The following LTBP1 variants were observed in gnomAD, a reference collection of about 807,000 sequenced individuals.
LTBP1 encodes the protein latent transforming growth factor beta binding protein 1, also known as latent-transforming growth factor beta-binding protein 1.
In LTBP1, 129 loss-of-function variants were observed where a neutral mutation model predicts 207.6. The observed-to-expected ratio is 0.62, with a 90% confidence interval of 0.54 to 0.72. The LOEUF (loss-of-function observed/expected upper bound fraction) is 0.72. Ranked by LOEUF, LTBP1 falls within the 30% of genes least tolerant of loss-of-function variation. LTBP1 has a pLI of 0.00. For synonymous variants in LTBP1, 963 were observed against 833.7 expected (o/e 1.16, Z -2.67); for missense variants, 2,281 against 2,217.2 (o/e 1.03, Z -0.58).
In LTBP1 at chr2:33,367,428, CTG is replaced by C. The variant is rs1308216654; in HGVS notation, c.4711+1929_4711+1930del. ...AGTATTCCATAGTGGTAAATAAAGT[CTG>C]TGTTTTTTGTGTACCCTTAACAATA... On this transcript the variant is annotated intron_variant, in intron 31 of 33. Coordinates refer to ENST00000404816, the MANE Select transcript of LTBP1 (RefSeq NM_206943.4). Among the ~76,000 whole-genome samples the C allele has an allele frequency of 2.5e-4, 38 of 152,098 alleles. No individual in the cohort carries two copies. In the East Asian group the frequency reaches 6.0e-3, roughly 24 times the overall value.
At chr2:32,953,589 C>T (rs762340016) in intron 2 of LTBP1, among the ~76,000 whole-genome samples, 1 of 152,162 alleles carries the variant, frequency 6.6e-6, no homozygotes, top group Non-Finnish European at 1.5e-5. Context: ...ATTTAGGAAC[C>T]ATAACACTGT....
At chr2:33,160,753 G>A (rs1055040269) in intron 5 of LTBP1, among the ~76,000 whole-genome samples, 1 of 152,188 alleles carries the variant, frequency 6.6e-6, no homozygotes, top group Non-Finnish European at 1.5e-5. Context: ...TTAACTCAGG[G>A]ATAGAAGGTA....
intron 2 of LTBP1, among the ~76,000 whole-genome samples, chr2:32,987,920 A>G (rs186275037): frequency 3.0e-4 from 45 of 152,326 alleles, no homozygotes; most frequent in Non-Finnish European, 1.0e-4. Flanking sequence ...TCCTGAGATG[A>G]GGAGGTTTTC....
At chr2:33,002,586 A>G (rs1686190527) in intron 2 of LTBP1, among the ~76,000 whole-genome samples, 1 of 152,220 alleles carries the variant, frequency 6.6e-6, no homozygotes, top group African/African-American at 2.4e-5. Flanking sequence ...AGTAGCAGAC[A>G]ATCAAAAACA....
At chr2:33,100,396 G>C (rs1406389760) in intron 3 of LTBP1, among the ~76,000 whole-genome samples, 1 of 151,678 alleles carries the variant, frequency 6.6e-6, no homozygotes, top group Non-Finnish European at 1.5e-5. Flanking sequence ...TTGACACTGT[G>C]TCATCCAGAA....
At chr2:33,366,667 C>T (rs929212582) in intron 31 of LTBP1, among the ~76,000 whole-genome samples, 1 of 152,186 alleles carries the variant, frequency 6.6e-6, no homozygotes, top group Admixed American at 6.5e-5. Context: ...ATAACTTCAC[C>T]CTGTACAGCT....
chr2:33,109,041 C>T (rs1042013959), intron 3 of LTBP1, among the ~76,000 whole-genome samples: 1 of 152,224 alleles, frequency 6.6e-6, no homozygotes, highest in African/African-American at 2.4e-5. Flanking sequence ...CCAGGCTTTC[C>T]TGAGACCACA....
rs1305346893 is a variant in LTBP1 at position 32,995,706 on chromosome 2, G to A, written c.566-25203G>A. Among the ~76,000 whole-genome samples the A allele has an allele frequency of 3.3e-5, 5 of 152,184 alleles. No homozygotes were observed. In the East Asian group the frequency reaches 5.8e-4, roughly 18 times the overall value. ...CAGGAGGCTGAGGTGGGAGAATGGC[G>A]TGAATCCAGGAGGCCAAGCCTGCAG... On this transcript the variant is annotated intron_variant, in intron 2 of 33. Transcript: ENST00000404816.
At chr2:33,111,145 G>A (rs769012665) in intron 4 of LTBP1, among the ~76,000 whole-genome samples, 5 of 152,148 alleles carry the variant, frequency 3.3e-5, no homozygotes, top group Admixed American at 6.5e-5. Flanking sequence ...ATAGCTCTCT[G>A]AGGTTCTCCT....
At chr2:33,252,632 GT>G (rs1264313603) in intron 10 of LTBP1, 44 bp from the exon 11 acceptor site, 2 of 1,545,630 alleles carry the variant, frequency 1.3e-6, no homozygotes, top group Non-Finnish European at 1.8e-6. Context: ...AGCCAATGTA[GT>G]TTTGGTTTCT....
At chr2:33,294,243 C>A (rs187964185) in intron 20 of LTBP1, among the ~76,000 whole-genome samples, 3 of 152,028 alleles carry the variant, frequency 2.0e-5, no homozygotes, top group African/African-American at 7.3e-5. Flanking sequence ...CTCCCCCAGG[C>A]TGGAGTGCTG....
rs117277436 is a variant in LTBP1 at position 33,377,995 on chromosome 2, G to T, written c.4712-11189G>T. Among the ~76,000 whole-genome samples, 2,380 of 152,164 alleles carry T rather than the reference G, an allele frequency of 0.016. 170 individuals carry two copies. The East Asian group carries it at 0.2, about 13-fold the overall frequency. ...GGATTACAATTCAAGATGAGATTTGGGTGGGGACACAAAGTCAAACCATAT... is the reference window on the plus strand; with the variant it reads ...GGATTACAATTCAAGATGAGATTTGTGTGGGGACACAAAGTCAAACCATAT... On this transcript the variant is annotated intron_variant, in intron 31 of 33. Coordinates refer to ENST00000404816, the MANE Select transcript of LTBP1 (RefSeq NM_206943.4).
intron 3 of LTBP1, among the ~76,000 whole-genome samples, chr2:33,099,000 A>G (rs1558634676): frequency 6.6e-6 from 1 of 152,134 alleles, no homozygotes; most frequent in Non-Finnish European, 1.5e-5. Context: ...ACTTGTTCAG[A>G]TTTTGCAGCT....
chr2:33,315,747 G>A (rs185836515), intron 24 of LTBP1, among the ~76,000 whole-genome samples: 1 of 152,224 alleles, frequency 6.6e-6, no homozygotes, highest in Non-Finnish European at 1.5e-5. Flanking sequence ...ACCAAGCCTG[G>A]CCAACATGGT....
intron 3 of LTBP1, among the ~76,000 whole-genome samples, chr2:33,026,535 C>G (rs970428007): frequency 7.2e-5 from 11 of 152,156 alleles, no homozygotes; most frequent in Admixed American, 4.6e-4. Context: ...TTGTAAAGCC[C>G]TGAACATTTT....
chr2:33,095,441 A>T (rs1201323939), intron 3 of LTBP1, among the ~76,000 whole-genome samples: 1 of 152,234 alleles, frequency 6.6e-6, no homozygotes, highest in Non-Finnish European at 1.5e-5. Flanking sequence ...TAGAGGAAAG[A>T]TAATTTGGAG....
intron 31 of LTBP1, among the ~76,000 whole-genome samples, chr2:33,376,837 G>A (rs888897416): frequency 2.6e-5 from 4 of 152,104 alleles, no homozygotes; most frequent in Non-Finnish European, 5.9e-5. Flanking sequence ...CTGGGGAAGA[G>A]GTACTGGATT....
At chr2:33,045,193 C>G in intron 3 of LTBP1, among the ~76,000 whole-genome samples, 1 of 152,132 alleles carries the variant, frequency 6.6e-6, no homozygotes, top group East Asian at 1.9e-4. Flanking sequence ...TTGCCCATGC[C>G]TATGTCCTGA....
intron 2 of LTBP1, among the ~76,000 whole-genome samples, chr2:32,961,065 T>C (rs531929242): frequency 3.2e-4 from 48 of 152,350 alleles, no homozygotes; most frequent in African/African-American, 1.1e-3. Flanking sequence ...GATTTAGTAT[T>C]TTTTAAGGCA....
Sources: allele counts gnomAD v4.1 joint callset (sites outside exome capture counted in the v4.1 genomes callset), GRCh38; gene constraint gnomAD v4.1.1; transcripts MANE v1.5; gene names NCBI Gene and HGNC (gene_info 2026-07-23, HGNC 2026-07-21).